CDYL: variants seen among roughly 807,000 people sequenced by gnomAD.
CDYL encodes chromodomain Y-like protein.
CDYL carries 8 observed loss-of-function variants against 47.3 expected under a neutral mutation model. The ratio of observed to expected loss-of-function variants is 0.17; its 90% confidence interval spans 0.10 to 0.31. The LOEUF (loss-of-function observed/expected upper bound fraction) is 0.31, where lower values mean the gene tolerates loss of function less well. Ranked by LOEUF, CDYL falls within the 10% of genes least tolerant of loss-of-function variation. The pLI, the probability that CDYL is intolerant of heterozygous loss-of-function variation, is 1.00. For missense variants in CDYL, 471 were observed against 701.4 expected, an observed-to-expected ratio of 0.67 and a Z score of 3.71; for synonymous variants, 266 against 265.0, an observed-to-expected ratio of 1.00 and a Z score of -0.04.
chr6:4,718,965 C>G (rs1360249864), intron 2 of CDYL, among the ~76,000 whole-genome samples: 2 of 151,572 alleles, frequency 1.3e-5, no homozygotes, highest in Non-Finnish European at 2.9e-5. Context: ...CTCTTGTTGC[C>G]CAGGCTGGAG....
intron 1 of CDYL, among the ~76,000 whole-genome samples, chr6:4,882,146 A>G (rs1761780454): frequency 6.6e-6 from 1 of 152,136 alleles, no homozygotes; most frequent in Non-Finnish European, 1.5e-5. Context: ...CTCCCAGTTC[A>G]CATTGATCCA....
chr6:4,853,034 C>G (rs1349920362), intron 1 of CDYL, among the ~76,000 whole-genome samples: 1 of 152,142 alleles, frequency 6.6e-6, no homozygotes, highest in East Asian at 1.9e-4. Flanking sequence ...AAGTGGTCCT[C>G]CTCTTGGGCC....
chr6:4,887,196 G>A (rs934937732), intron 1 of CDYL, among the ~76,000 whole-genome samples: 2 of 152,048 alleles, frequency 1.3e-5, no homozygotes, highest in Non-Finnish European at 2.9e-5. Context: ...TACCAATTCC[G>A]TGTGAATTTT....
chr6:4,894,317 T>A (rs571931088), intron 2 of CDYL, among the ~76,000 whole-genome samples: 1 of 152,174 alleles, frequency 6.6e-6, no homozygotes, highest in Non-Finnish European at 1.5e-5. Flanking sequence ...CATTGATGAC[T>A]TGGGGGCCAG....
intron 5 of CDYL, among the ~76,000 whole-genome samples, chr6:4,951,846 C>T (rs1321483821): frequency 6.6e-6 from 1 of 152,068 alleles, no homozygotes; most frequent in Non-Finnish European, 1.5e-5. Flanking sequence ...CTGATTTTCC[C>T]AGGATTGTTT....
intron 1 of CDYL, among the ~76,000 whole-genome samples, chr6:4,843,836 TTTC>T (rs1229672527): frequency 6.6e-5 from 10 of 152,194 alleles, no homozygotes; most frequent in Non-Finnish European, 1.2e-4. Context: ...AATTCAGAGA[TTTC>T]TTCTTGTTTT....
chr6:4,787,540 T>C lies in CDYL; in HGVS notation c.24+10733T>C, dbSNP rs1340952877. Among the ~76,000 whole-genome samples the C allele has an allele frequency of 5.3e-5, 8 of 152,178 alleles. No homozygotes were observed. The East Asian group carries it at 1.5e-3, about 29-fold the overall frequency. ...TGAAAAGATCATGGAAATGAGGTCC[T>C]GTGGAAGTGCGTGCTCATACCTTGG... On this transcript the variant is annotated intron_variant, in intron 1 of 6. Transcript: ENST00000397588.
intron 1 of CDYL, among the ~76,000 whole-genome samples, chr6:4,842,201 AAAT>A (rs530475118): frequency 0.023 from 3,348 of 145,252 alleles, 133 homozygotes; most frequent in African/African-American, 0.078. Flanking sequence ...TAAATAATAT[AAAT>A]AATAATATAT....
At chr6:4,885,139 G>T (rs1458895687) in intron 1 of CDYL, among the ~76,000 whole-genome samples, 1 of 151,974 alleles carries the variant, frequency 6.6e-6, no homozygotes, top group African/African-American at 2.4e-5. Flanking sequence ...GATTACAAGT[G>T]TACTCCACCA....
At chr6:4,845,031 A>G (rs1247490842) in intron 1 of CDYL, among the ~76,000 whole-genome samples, 3 of 152,206 alleles carry the variant, frequency 2.0e-5, no homozygotes, top group Non-Finnish European at 2.9e-5. Context: ...TATTCTTTCT[A>G]CAATTTGAGA....
chr6:4,948,229 G>A (rs559412343), intron 5 of CDYL, among the ~76,000 whole-genome samples: 2 of 152,332 alleles, frequency 1.3e-5, no homozygotes, highest in Non-Finnish European at 2.9e-5. Context: ...GATCTATGTA[G>A]ATGTGTGGTG....
At chr6:4,742,847 A>G (rs1314807922) in intron 3 of CDYL, among the ~76,000 whole-genome samples, 1 of 152,224 alleles carries the variant, frequency 6.6e-6, no homozygotes, top group Non-Finnish European at 1.5e-5. Flanking sequence ...TTGAAGCTGC[A>G]TGGTTTCCAC....
chr6:4,806,565 G>T (rs1759376479), intron 1 of CDYL, among the ~76,000 whole-genome samples: 1 of 152,118 alleles, frequency 6.6e-6, no homozygotes, highest in Admixed American at 6.5e-5. Context: ...TACCAAAACC[G>T]GGAAAGTCTT....
At chr6:4,778,080 CT>C (rs1421331683) in intron 1 of CDYL, among the ~76,000 whole-genome samples, 1 of 152,108 alleles carries the variant, frequency 6.6e-6, no homozygotes, top group Non-Finnish European at 1.5e-5. Flanking sequence ...AAAAATCTCC[CT>C]GTTCTCAGGA....
chr6:4,912,384 G>A (rs1324316528), intron 2 of CDYL, among the ~76,000 whole-genome samples: 1 of 152,248 alleles, frequency 6.6e-6, no homozygotes, highest in Admixed American at 6.5e-5. Context: ...GTGGCCTGGA[G>A]GGTCACTGTT....
At chr6:4,765,785 A>T (rs1343772256) in intron 3 of CDYL, among the ~76,000 whole-genome samples, 8 of 152,136 alleles carry the variant, frequency 5.3e-5, no homozygotes, top group Admixed American at 5.2e-4. Context: ...GCTGGTCTCG[A>T]ACTCCTGACC....
chr6:4,890,765 CTTAA>C (rs1272928639), intron 1 of CDYL, among the ~76,000 whole-genome samples: 1 of 152,230 alleles, frequency 6.6e-6, no homozygotes, highest in South Asian at 2.1e-4. Context: ...CCTTTGCGTT[CTTAA>C]TTAAAGAGCC....
In CDYL at chr6:4,839,236, G is replaced by C. The variant is rs147900358; in HGVS notation, c.25-52477G>C. Among the ~76,000 whole-genome samples, 437 of 152,212 alleles carry C rather than the reference G, an allele frequency of 2.9e-3. 5 individuals are homozygous for C. Among genetic ancestry groups the C allele is most frequent in the Middle Eastern group, 0.01 (3 of 294 alleles). On this transcript the variant is annotated intron_variant, in intron 1 of 6. Transcript: ENST00000397588. ...GTATATCTTCTTTTGAGAATTGTCT[G>C]TTCATGTCCTTAGTCCCACTTTTTG...
At chr6:4,785,536 T>C (rs1581165502) in intron 1 of CDYL, among the ~76,000 whole-genome samples, 2 of 152,336 alleles carry the variant, frequency 1.3e-5, no homozygotes, top group East Asian at 3.8e-4. Flanking sequence ...TTTTCATTAG[T>C]AGTTTACTGT....
Sources: gnomAD v4.1 joint callset for allele counts (sites outside exome capture counted in the v4.1 genomes callset) on GRCh38, gnomAD v4.1.1 for gene constraint, MANE v1.5 for transcripts, NCBI Gene and HGNC (gene_info 2026-07-23, HGNC 2026-07-21) for gene names.